The following NBPF12 variants were observed in gnomAD, a reference collection of about 807,000 sequenced individuals.
The protein encoded by NBPF12 is NBPF member 12.
Under a neutral mutation model 146.4 loss-of-function variants are expected in NBPF12, and 115 were observed. The ratio of observed to expected loss-of-function variants is 0.79; its 90% CI spans 0.68 to 0.92. The LOEUF is 0.92. Ranked by LOEUF, NBPF12 falls within the 40% of genes least tolerant of loss-of-function variation. The pLI is 0.00. For synonymous variants in NBPF12, 385 were observed against 508.9 expected, an observed-to-expected ratio of 0.76 and a Z score of 3.28; for missense variants, 1,205 against 1,326.8, an observed-to-expected ratio of 0.91 and a Z score of 1.43.
intron 27 of NBPF12, among the ~76,000 whole-genome samples, chr1:146,989,192 A>C (rs1657985367): frequency 8.1e-6 from 1 of 124,168 alleles, no homozygotes; most frequent in Non-Finnish European, 1.8e-5. Context: ...CACTGCATCG[A>C]ATTTTGAGCA....
intron 5 of NBPF12, among the ~76,000 whole-genome samples, chr1:146,962,538 C>G (rs1188553966): frequency 2.0e-5 from 3 of 151,676 alleles, no homozygotes; most frequent in Non-Finnish European, 2.9e-5. Context: ...GTGGGAACCA[C>G]CTAGCAGCAT....
chr1:146,971,173 G>A lies in NBPF12; in HGVS notation c.1380-10G>A, dbSNP rs2101875979. 1.9e-6 allele frequency: 3 copies of A among 1,610,996 alleles called. No individual in the cohort carries two copies. The highest frequency in any genetic ancestry group is 4.5e-5 in the East Asian group (2 of 44,844). ...ATCTTCTGTCATCTCTGTCCCACCT[G>A]GCTCATCAGGGAGATGCAGAAGGCT... On this transcript the variant is annotated splice_polypyrimidine_tract_variant and intron_variant, in intron 12 of 33. Coordinates refer to ENST00000617844, the Ensembl canonical transcript of NBPF12.
chr1:146,962,352 T>C, intron 5 of NBPF12, 89 bp downstream of exon 8: 2 of 1,102,844 alleles, frequency 1.8e-6, no homozygotes, highest in Admixed American at 3.4e-5. Context: ...AGAACGAAGC[T>C]GGGCCAGGGA....
chr1:146,965,666 C>A (rs1384859713), intron 8 of NBPF12, among the ~76,000 whole-genome samples: 1 of 149,568 alleles, frequency 6.7e-6, no homozygotes, highest in African/African-American at 2.5e-5. Flanking sequence ...GTGGTGGGCA[C>A]CTGTAGTCCC....
exon 8 of NBPF12, chr1:146,964,908 T>C (rs1656092804): frequency 8.1e-6 from 13 of 1,604,582 alleles, no homozygotes; most frequent in Non-Finnish European, 1.1e-5. Flanking sequence ...TGCAGAAGGC[T>C]GAAGAGAGCA....
chr1:146,967,880 G>A (rs1243701791), intron 9 of NBPF12, among the ~76,000 whole-genome samples: 42,077 of 142,014 alleles, frequency 0.3, 7,040 homozygotes, highest in Admixed American at 0.41. Context: ...AACTTCATTA[G>A]CATTTGGGCA....
exon 34 of NBPF12, chr1:146,996,019 A>G (rs1658519512): frequency 1.4e-5 from 2 of 147,574 alleles, no homozygotes; most frequent in Non-Finnish European, 3.0e-5. Context: ...AAAAGAAGAA[A>G]ACATTCTCTG....
At chr1:146,946,253 G>C (rs1281819670), upstream of NBPF12, among the ~76,000 whole-genome samples, 1 of 150,752 alleles carries the variant, frequency 6.6e-6, no homozygotes, top group Non-Finnish European at 1.5e-5. Context: ...AAGTACTTAC[G>C]TGCAGGATTT....
At chr1:146,973,686 G>T (rs1346598103) in intron 14 of NBPF12, among the ~76,000 whole-genome samples, 7 of 148,678 alleles carry the variant, frequency 4.7e-5, no homozygotes, top group Non-Finnish European at 1.0e-4. Flanking sequence ...TGCTCAGGAG[G>T]CTGAGGCAGT....
intron 16 of NBPF12, among the ~76,000 whole-genome samples, chr1:146,976,702 C>G (rs1196918470): frequency 1.3e-5 from 2 of 151,764 alleles, no homozygotes; most frequent in Non-Finnish European, 2.9e-5. Flanking sequence ...AGCAAAAGAT[C>G]TTTTCAGTAT....
At position 146,964,987 on chromosome 1, in the gene NBPF12, A is replaced by C. The variant is rs1656096762; in HGVS notation, c.661A>C (p.Ile221Leu). The change falls in exon 8 of 34, where the codon ATC becomes CTC. Residue 221 changes from isoleucine to leucine, a missense_variant. By Grantham distance (5) the Ile-to-Leu change is conservative. Around this residue, in one of 16 missense-constraint regions of NBPF12, gnomAD observed 325 missense variants for 236.6 expected, o/e 1.37. Coordinates refer to ENST00000617844, the Ensembl canonical transcript of NBPF12. Reference sequence around the variant, plus strand: ...AAATAGCCACGGCCCTTGTGACTCCATCCAGCCTCACAAGAACATCAAAAT... The same window carrying C: ...AAATAGCCACGGCCCTTGTGACTCCCTCCAGCCTCACAAGAACATCAAAAT... 7 of 1,607,332 alleles carry C rather than the reference A, an allele frequency of 4.4e-6. No homozygotes were observed. In the Admixed American group the frequency reaches 8.3e-5, roughly 19 times the overall value.
At chr1:146,941,864 G>A (rs1255226214) in intron 1 of NBPF12, among the ~76,000 whole-genome samples, 1 of 148,284 alleles carries the variant, frequency 6.7e-6, no homozygotes, top group African/African-American at 2.5e-5. Flanking sequence ...TTTAGTTTTT[G>A]CATTTTTTTT....
At chr1:146,941,451 T>A (rs1484798819) in intron 1 of NBPF12, among the ~76,000 whole-genome samples, 1 of 149,994 alleles carries the variant, frequency 6.7e-6, no homozygotes, top group Admixed American at 6.6e-5. Context: ...GCTTATTGTG[T>A]CCTGTTTAAG....
chr1:146,974,469 G>A (rs1281299570), intron 14 of NBPF12, among the ~76,000 whole-genome samples: 1 of 128,116 alleles, frequency 7.8e-6, no homozygotes, highest in African/African-American at 3.1e-5. Flanking sequence ...CTCAGGGACT[G>A]TGAATTCTGA....
At chr1:146,951,434 A>C (rs1655318966) in exon 2 of NBPF12, 5 of 674,508 alleles carry the variant, frequency 7.4e-6, no homozygotes, top group South Asian at 6.6e-5. Flanking sequence ...GGGAATCCAA[A>C]GTTAATGCCA....
intron 13 of NBPF12, among the ~76,000 whole-genome samples, chr1:146,972,508 C>T (rs1294216990): frequency 4.0e-5 from 6 of 151,570 alleles, no homozygotes; most frequent in East Asian, 1.9e-4. Context: ...CCAAGCCTTG[C>T]TTTATAGAAA....
At position 146,975,553 on chromosome 1, in the gene NBPF12, A is replaced by G. The variant is rs1380689529; in HGVS notation, c.1905-124A>G. The G allele has an allele frequency of 2.4e-5, 14 of 594,842 alleles. No individual in the cohort carries two copies. In the East Asian group the frequency reaches 3.4e-4, roughly 14 times the overall value. The allele number at this position is 594,842 out of a possible 1,614,324, so 36.8% of individuals were successfully genotyped here. A position where few individuals can be genotyped will look rare whatever the true frequency, so the allele number is the denominator to read the frequency against. ...CTCTTGGCCACAGACATTCCTTTCA[A>G]CATGTGCTGACCTTCTGCTTGGAGG... On this transcript the variant is annotated intron_variant, in intron 15 of 33. Transcript: ENST00000617844.
intron 14 of NBPF12, among the ~76,000 whole-genome samples, chr1:146,973,424 C>T (rs1202853790): frequency 2.6e-5 from 4 of 151,426 alleles, no homozygotes; most frequent in African/African-American, 9.8e-5. Context: ...TAGCCAGTAC[C>T]CGCTCTGAGG....
At chr1:146,946,622 C>A (rs1655087958), upstream of NBPF12, among the ~76,000 whole-genome samples, 1 of 139,954 alleles carries the variant, frequency 7.1e-6, no homozygotes, top group Non-Finnish European at 1.5e-5. Context: ...GTATTTTCTC[C>A]CAGTCTGTGA....
Sources: allele counts gnomAD v4.1 joint callset (sites outside exome capture counted in the v4.1 genomes callset), GRCh38; gene constraint gnomAD v4.1.1; regional missense constraint gnomAD v4.1.1; transcripts MANE v1.5; gene names NCBI Gene and HGNC (gene_info 2026-07-23, HGNC 2026-07-21).